APBB1: variants seen among roughly 807,000 people sequenced by gnomAD.
APBB1 encodes the protein adaptor protein FE65a2.
In APBB1, 22 loss-of-function variants were observed where a neutral mutation model predicts 78.4. The observed-to-expected ratio is 0.28, with a 90% CI of 0.20 to 0.40. The LOEUF is 0.40. Ranked by LOEUF, APBB1 falls within the 10% of genes least tolerant of loss-of-function variation. The pLI is 1.00. For synonymous variants in APBB1, 369 were observed against 372.7 expected, an observed-to-expected ratio of 0.99 and a Z score of 0.12; for missense variants, 749 against 932.4, an observed-to-expected ratio of 0.80 and a Z score of 2.56.
intron 2 of APBB1, chr11:6,404,567 C>A (rs780109134): frequency 5.5e-5 from 85 of 1,533,918 alleles, no homozygotes; most frequent in Non-Finnish European, 7.2e-5. Flanking sequence ...CCTTGCTGCA[C>A]ACAGATGCAA....
intron 12 of APBB1, among the ~76,000 whole-genome samples, chr11:6,398,119 GA>G (rs1848324118): frequency 6.6e-6 from 1 of 152,162 alleles, no homozygotes; most frequent in African/African-American, 2.4e-5. Context: ...CCAAGGTATG[GA>G]AAAAGGCTGT....
Position 6,401,754 on chromosome 11 carries a change from A to C in APBB1, c.1389-66T>G. ...CAGTGCTGAGCCTGGTCCCCACCCCACCCACGTCCTCCCTGCCCATCACAG... is the reference window on the plus strand; with the variant it reads ...CAGTGCTGAGCCTGGTCCCCACCCCCCCCACGTCCTCCCTGCCCATCACAG... On this transcript the variant is annotated intron_variant, in intron 9 of 14. Coordinates refer to ENST00000609360, the MANE Select transcript of APBB1 (RefSeq NM_001164.5). The surrounding 1 kb of genome is among the most constrained non-coding windows in gnomAD (Gnocchi z 4.5). 6.4e-7 allele frequency: 1 copy of C among 1,566,254 alleles called. No homozygotes were observed. The highest frequency in any genetic ancestry group is 8.8e-7 in the Non-Finnish European group (1 of 1,138,030).
chr11:6,414,336 C>T (rs1313390836), intron 1 of APBB1, among the ~76,000 whole-genome samples: 1 of 152,156 alleles, frequency 6.6e-6, no homozygotes, highest in Non-Finnish European at 1.5e-5. Context: ...CTGTTCTCTC[C>T]CCACCATCAA....
chr11:6,401,429 T>G lies in APBB1; in HGVS notation c.1504A>C (p.Ile502Leu). ...ATSLHEICSK[I>L]MAERRNARCL... ...CGGGCATTACGCCGTTCGGCCATGATCTGAGGAAGGAAGGGAGGCGAGGAG... is the reference window on the plus strand; with the variant it reads ...CGGGCATTACGCCGTTCGGCCATGAGCTGAGGAAGGAAGGGAGGCGAGGAG... The change falls in exon 11 of 15, where the codon ATC becomes CTC. Residue 502 changes from isoleucine (I) to leucine (L), a missense_variant and splice_region_variant. Transcript: ENST00000609360. The surrounding 1 kb of genome is among the most constrained non-coding windows in gnomAD (Gnocchi z 4.5). The G allele has an allele frequency of 6.2e-7, 1 of 1,613,528 alleles. No homozygotes were observed. The highest frequency in any genetic ancestry group is 1.1e-5 in the South Asian group (1 of 91,078).
At position 6,410,653 on chromosome 11, in the gene APBB1, G is replaced by A; in HGVS notation, c.695C>T (p.Pro232Leu). The change falls in exon 2 of 15, where the codon CCC (proline) becomes CTC (leucine). Residue 232 changes from proline to leucine, a missense_variant. By Grantham distance (98) the Pro-to-Leu change is moderately conservative. Coordinates refer to ENST00000609360, the MANE Select transcript of APBB1 (RefSeq NM_001164.5). Reference protein sequence around the residue: ...SSWATLSQGSPSYGSPEDTDS... With the variant: ...SSWATLSQGSLSYGSPEDTDS... ...TGTGTCCTCTGGGGAGCCATAGGAG[G>A]GGCTGCCCTGGGATAAGGTAGCCCA... 6.6e-7 allele frequency: 1 copy of A among 1,517,630 alleles called. No homozygotes were observed. The highest frequency in any genetic ancestry group is 8.8e-7 in the Non-Finnish European group (1 of 1,133,960). 94.0% of individuals were successfully genotyped at this position (1,517,630 alleles called of 1,614,324 possible).
rs1031852572 is a variant in APBB1, at chr11:6,401,492, C to T, written c.1504-63G>A. The T allele has an allele frequency of 1.2e-6, 2 of 1,612,222 alleles. No individual in the cohort carries two copies. The highest frequency in any genetic ancestry group is 1.7e-6 in the Non-Finnish European group (2 of 1,178,682). ...TATTAGAGCCTCATTGCCCTGGGGC[C>T]CCCCTACAGCACTCAGTGACCCCAC... is the stretch of plus-strand genomic sequence containing the variant. On this transcript the variant is annotated intron_variant, in intron 10 of 14. Coordinates refer to ENST00000609360, the MANE Select transcript of APBB1 (RefSeq NM_001164.5). The surrounding 1 kb of genome is among the most constrained non-coding windows in gnomAD (Gnocchi z 4.5).
At position 6,411,570 on chromosome 11, in the gene APBB1, C is replaced by T. The variant is rs1372003600; in HGVS notation, c.-14-209G>A. Among the ~76,000 whole-genome samples, 8 of 152,124 alleles carry T rather than the reference C, an allele frequency of 5.3e-5. No homozygotes were observed. The highest frequency in any genetic ancestry group is 4.6e-4 in the Admixed American group (7 of 15,280). ...CACAGTCCAGGCCCAGGTCTGAGGC[C>T]CACCCCATCCCTATATCCCCTGCCC... On this transcript the variant is annotated intron_variant, in intron 1 of 14. Coordinates refer to ENST00000609360, the MANE Select transcript of APBB1 (RefSeq NM_001164.5). This position sits in a 1 kb window ranked among gnomAD's most constrained non-coding sequence, Gnocchi z 5.2.
At chr11:6,405,761 C>T (rs1014776502) in intron 2 of APBB1, 2 of 843,336 alleles carry the variant, frequency 2.4e-6, no homozygotes, top group Non-Finnish European at 2.9e-6. Flanking sequence ...CCCTAACTCA[C>T]ACTCTATGGA....
intron 2 of APBB1, chr11:6,404,711 C>G: frequency 6.5e-7 from 1 of 1,536,168 alleles, no homozygotes; most frequent in Non-Finnish European, 8.7e-7. Context: ...TCAGCCCCAC[C>G]CCACATGAGG....
intron 12 of APBB1, among the ~76,000 whole-genome samples, chr11:6,398,999 G>A (rs552652541): frequency 6.6e-6 from 1 of 152,142 alleles, no homozygotes; most frequent in Non-Finnish European, 1.5e-5. Flanking sequence ...TTCTTCCTGT[G>A]TGTCTTTTGA....
At chr11:6,397,099 G>A (rs1848271692) in intron 12 of APBB1, among the ~76,000 whole-genome samples, 1 of 152,200 alleles carries the variant, frequency 6.6e-6, no homozygotes, top group Admixed American at 6.5e-5. Flanking sequence ...CACATGTTGT[G>A]GCAAAGGCAT....
At chr11:6,415,190 G>C (rs1033667454) in intron 1 of APBB1, among the ~76,000 whole-genome samples, 3 of 152,214 alleles carry the variant, frequency 2.0e-5, no homozygotes, top group Admixed American at 6.5e-5. Flanking sequence ...GATGCAAAGA[G>C]CCAACTGGGT....
At chr11:6,414,070 T>C (rs1849054542) in intron 1 of APBB1, among the ~76,000 whole-genome samples, 1 of 151,804 alleles carries the variant, frequency 6.6e-6, no homozygotes, top group Admixed American at 6.6e-5. Context: ...ACGCCTGCAC[T>C]CGTTCGCAGA....
In APBB1 at chr11:6,410,913, C is replaced by A; in HGVS notation, c.435G>T (p.Gly145=). The A allele has an allele frequency of 6.2e-7, 1 of 1,614,200 alleles. No homozygotes were observed. Among genetic ancestry groups the A allele is most frequent in the Non-Finnish European group, 8.5e-7 (1 of 1,180,042 alleles). ...PGLIISTQEQ[G]PDEGEEKAAG... ...CCGCCTTCTCCTCTCCCTCATCTGG[C>A]CCCTGCTCTTGAGTGCTGATGATCA... Residue 145 remains glycine (G), a synonymous_variant, in exon 2 of 15, where the codon GGG becomes GGT. Transcript: ENST00000609360.
chr11:6,413,095 T>G (rs1048904367), intron 1 of APBB1, among the ~76,000 whole-genome samples: 1 of 151,650 alleles, frequency 6.6e-6, no homozygotes, highest in Non-Finnish European at 1.5e-5. Flanking sequence ...CAAGAGAAAG[T>G]GCTCTCTCCC....
Position 6,403,318 on chromosome 11 carries a change from C to G in APBB1, c.1040+1G>C. On this transcript the variant is annotated splice_donor_variant, in intron 5 of 14. Transcript: ENST00000609360. LOFTEE classifies it high-confidence loss of function. This position sits in a 1 kb window ranked among gnomAD's most constrained non-coding sequence, Gnocchi z 5.3. ...CCAGCTCACTGCATCTGGCAGCTCA[C>G]CTGAGGCTCTGAGCTGGGAAGGTCA... 6.2e-7 allele frequency: 1 copy of G among 1,614,010 alleles called. No individual in the cohort carries two copies. Among genetic ancestry groups the G allele is most frequent in the Non-Finnish European group, 8.5e-7 (1 of 1,179,942 alleles).
intron 2 of APBB1, among the ~76,000 whole-genome samples, chr11:6,409,272 G>A (rs1848899191): frequency 1.3e-5 from 2 of 151,670 alleles, no homozygotes; most frequent in South Asian, 2.1e-4. Context: ...GAGAGGTTTT[G>A]CCATGTTGCT....
intron 2 of APBB1, among the ~76,000 whole-genome samples, chr11:6,408,912 T>G: frequency 6.6e-6 from 1 of 152,218 alleles, no homozygotes; most frequent in Non-Finnish European, 1.5e-5. Context: ...ATGCTGGGAT[T>G]ACAGGCGTGA....
At position 6,401,597 on chromosome 11, in the gene APBB1, T is replaced by C. The variant is rs1208546576; in HGVS notation, c.1480A>G (p.Ser494Gly). 6.2e-7 allele frequency: 1 copy of C among 1,614,158 alleles called. No individual in the cohort carries two copies. The highest frequency in any genetic ancestry group is 1.1e-5 in the South Asian group (1 of 91,082). The change falls in exon 10 of 15, where the codon AGC becomes GGC. Residue 494 changes from serine to glycine, a missense_variant. Physicochemically the swap from Ser to Gly is moderately conservative, Grantham distance 56. This residue lies in a region of APBB1 where 635 missense variants were observed against 765.0 expected (regional missense o/e 0.83). Transcript: ENST00000609360. The surrounding 1 kb of genome is among the most constrained non-coding windows in gnomAD (Gnocchi z 4.5). ...GCCTTAGAGCAGATCTCATGCAGGC[T>C]GGTGGCGATGTTCTTGGCAGGTGCC... ...CEAPAKNIAT[S>G]LHEICSKIMA...
Sources: gnomAD v4.1 joint callset for allele counts (sites outside exome capture counted in the v4.1 genomes callset) on GRCh38, gnomAD v4.1.1 for gene constraint, gnomAD v4.1.1 regional missense constraint, Gnocchi (gnomAD v3.1) non-coding constraint, MANE v1.5 for transcripts, NCBI Gene and HGNC (gene_info 2026-07-23, HGNC 2026-07-21) for gene names.